The following SLC24A3 variants were observed in gnomAD, a reference collection of about 807,000 sequenced individuals.
The protein encoded by SLC24A3 is solute carrier family 24 member 3.
SLC24A3 carries 28 observed loss-of-function variants against 75.8 expected under a neutral mutation model. The ratio of observed to expected loss-of-function variants is 0.37; its 90% CI spans 0.27 to 0.51. SLC24A3 has a LOEUF of 0.51. Among genes scored for constraint, SLC24A3 ranks in the 20% least tolerant of loss-of-function variants. SLC24A3 has a pLI of 0.94. For synonymous variants in SLC24A3, 372 were observed against 334.1 expected, an observed-to-expected ratio of 1.11 and a Z score of -1.24; for missense variants, 663 against 847.8, an observed-to-expected ratio of 0.78 and a Z score of 2.71.
chr20:19,350,273 A>C (rs553307039), intron 2 of SLC24A3, among the ~76,000 whole-genome samples: 5 of 152,330 alleles, frequency 3.3e-5, no homozygotes, highest in Admixed American at 3.3e-4. Context: ...GGTAGATGAG[A>C]TCAAAGTTAC....
At chr20:19,418,425 T>C (rs1416403884) in intron 2 of SLC24A3, among the ~76,000 whole-genome samples, 3 of 150,752 alleles carry the variant, frequency 2.0e-5, no homozygotes, top group Non-Finnish European at 4.4e-5. Context: ...TCCCGGAAAA[T>C]AGAATAAAAC....
intron 2 of SLC24A3, among the ~76,000 whole-genome samples, chr20:19,289,758 T>C (rs1008134730): frequency 6.6e-6 from 1 of 152,194 alleles, no homozygotes; most frequent in African/African-American, 2.4e-5. Flanking sequence ...TCCTCAATCA[T>C]TTCTGGAGCA....
intron 2 of SLC24A3, among the ~76,000 whole-genome samples, chr20:19,475,036 G>A (rs1054157176): frequency 8.5e-5 from 13 of 152,074 alleles, no homozygotes; most frequent in Admixed American, 5.2e-4. Flanking sequence ...AAATACACAC[G>A]CCCCATAAAA....
chr20:19,590,464 A>G (rs1007026126), intron 6 of SLC24A3, among the ~76,000 whole-genome samples: 1 of 152,088 alleles, frequency 6.6e-6, no homozygotes, highest in South Asian at 2.1e-4. Context: ...CAAAAACCAC[A>G]CACCCATAGT....
chr20:19,238,964 A>G (rs970382517), intron 1 of SLC24A3, among the ~76,000 whole-genome samples: 2 of 98,172 alleles, frequency 2.0e-5, no homozygotes, highest in Non-Finnish European at 3.8e-5. Context: ...ACATGGGCGC[A>G]TGCACACACA....
chr20:19,537,285 A>C (rs879404325), intron 3 of SLC24A3, among the ~76,000 whole-genome samples: 7 of 152,270 alleles, frequency 4.6e-5, no homozygotes, highest in Non-Finnish European at 1.0e-4. Flanking sequence ...AATGCTCATC[A>C]TCACCGGCCA....
chr20:19,289,988 G>T (rs919569007), intron 2 of SLC24A3, among the ~76,000 whole-genome samples: 6 of 152,162 alleles, frequency 3.9e-5, no homozygotes, highest in Non-Finnish European at 7.4e-5. Flanking sequence ...CATAATCTGG[G>T]TTGCCAGGTG....
intron 6 of SLC24A3, among the ~76,000 whole-genome samples, chr20:19,628,825 A>G (rs953830850): frequency 2.0e-5 from 3 of 152,180 alleles, no homozygotes; most frequent in Non-Finnish European, 4.4e-5. Context: ...ACCGCTGGGA[A>G]GATTTGAGAG....
At chr20:19,702,643 T>G (rs2032887974) in intron 15 of SLC24A3, among the ~76,000 whole-genome samples, 1 of 152,082 alleles carries the variant, frequency 6.6e-6, no homozygotes, top group South Asian at 2.1e-4. Context: ...AAAATCATTT[T>G]ATGCTGGGGA....
intron 2 of SLC24A3, among the ~76,000 whole-genome samples, chr20:19,481,778 C>T (rs1055622271): frequency 6.6e-6 from 1 of 152,170 alleles, no homozygotes; most frequent in Non-Finnish European, 1.5e-5. Flanking sequence ...GATCTTCCTA[C>T]AGAGGGCCCT....
At chr20:19,367,424 A>T (rs1985911594) in intron 2 of SLC24A3, among the ~76,000 whole-genome samples, 2 of 152,228 alleles carry the variant, frequency 1.3e-5, no homozygotes, top group Non-Finnish European at 2.9e-5. Context: ...CTTCCTTATT[A>T]ACAAACAGGC....
intron 2 of SLC24A3, among the ~76,000 whole-genome samples, chr20:19,449,904 G>A (rs1367704368): frequency 6.6e-6 from 1 of 152,138 alleles, no homozygotes; most frequent in Non-Finnish European, 1.5e-5. Flanking sequence ...AAAATAAGGG[G>A]AAATAAATAC....
chr20:19,386,480 CT>C (rs1986275069), intron 2 of SLC24A3, among the ~76,000 whole-genome samples: 1 of 152,148 alleles, frequency 6.6e-6, no homozygotes, highest in Non-Finnish European at 1.5e-5. Context: ...AGTGGGCATC[CT>C]TGCCTTGTAA....
intron 1 of SLC24A3, among the ~76,000 whole-genome samples, chr20:19,262,900 T>C (rs1483370768): frequency 2.0e-5 from 3 of 151,862 alleles, no homozygotes; most frequent in Non-Finnish European, 2.9e-5. Context: ...ATAGTCACAA[T>C]ATTTGCCCCG....
chr20:19,312,005 T>C (rs1984470186), intron 2 of SLC24A3, among the ~76,000 whole-genome samples: 1 of 152,210 alleles, frequency 6.6e-6, no homozygotes, highest in African/African-American at 2.4e-5. Flanking sequence ...CTTGTTCTAC[T>C]TCATGTTTCA....
intron 2 of SLC24A3, among the ~76,000 whole-genome samples, chr20:19,335,579 A>G (rs1299547988): frequency 6.6e-6 from 1 of 152,178 alleles, no homozygotes; most frequent in Non-Finnish European, 1.5e-5. Flanking sequence ...GGTTACTGGA[A>G]TTATGCCTCC....
At chr20:19,346,473 C>G (rs1337216809) in intron 2 of SLC24A3, among the ~76,000 whole-genome samples, 2 of 149,988 alleles carry the variant, frequency 1.3e-5, no homozygotes, top group Middle Eastern at 3.5e-3. Flanking sequence ...GAATACTACT[C>G]AGCCATAAAA....
At chr20:19,580,174 G>T in intron 4 of SLC24A3, 100 bp downstream of exon 4, 1 of 955,748 alleles carries the variant, frequency 1.0e-6, no homozygotes, top group East Asian at 2.5e-5. Context: ...GGGAGCCCTC[G>T]CAGGGCAGCT....
intron 3 of SLC24A3, among the ~76,000 whole-genome samples, chr20:19,530,465 A>G (rs958161363): frequency 1.2e-4 from 18 of 152,186 alleles, no homozygotes; most frequent in Non-Finnish European, 1.9e-4. Flanking sequence ...GTTGATTTCC[A>G]TGACAGCTCA....
Sources: allele counts gnomAD v4.1 joint callset (sites outside exome capture counted in the v4.1 genomes callset), GRCh38; gene constraint gnomAD v4.1.1; transcripts MANE v1.5; gene names NCBI Gene and HGNC (gene_info 2026-07-23, HGNC 2026-07-21).